The following ZNF609 variants were observed in gnomAD, a reference collection of about 807,000 sequenced individuals.
The protein encoded by ZNF609 is zinc finger protein 609.
A neutral mutation model predicts 109.5 loss-of-function variants in ZNF609; 11 were observed. That is an observed-to-expected ratio of 0.10 (90% confidence interval 0.06 to 0.17). ZNF609 has a LOEUF of 0.17. Ranked by LOEUF, ZNF609 falls within the 10% of genes least tolerant of loss-of-function variation. ZNF609 has a pLI of 1.00. For synonymous variants in ZNF609, 646 were observed against 662.0 expected (o/e 0.98, Z 0.37); for missense variants, 1,559 against 1,772.4 (o/e 0.88, Z 2.16).
chr15:64,681,373 C>G lies in ZNF609; in HGVS notation c.4227C>G (p.Pro1409=). Residue 1409 remains proline (P), a synonymous_variant, in exon 9 of 10, where the codon CCC becomes CCG. Transcript: ENST00000326648. ...QGSTPSLYPP[P]RR ...CAACTCCCTCACTCTACCCACCCCC[C>G]AGGAGGTGAGAATGGTAAGTCACTT... 1.2e-6 allele frequency: 2 copies of G among 1,613,974 alleles called. No individual in the cohort carries two copies. The highest frequency in any genetic ancestry group is 1.7e-6 in the Non-Finnish European group (2 of 1,179,882).
intron 2 of ZNF609, among the ~76,000 whole-genome samples, chr15:64,550,681 C>T (rs774309243): frequency 1.3e-5 from 2 of 151,888 alleles, no homozygotes; most frequent in African/African-American, 4.8e-5. Context: ...ACTAAAAATA[C>T]AAAAATTAGC....
intron 2 of ZNF609, among the ~76,000 whole-genome samples, chr15:64,504,476 GTAT>G (rs1280449703): frequency 2.0e-5 from 3 of 151,928 alleles, no homozygotes; most frequent in Non-Finnish European, 4.4e-5. Flanking sequence ...TATTTTCTTA[GTAT>G]TATTATTTTC....
At position 64,607,941 on chromosome 15, in the gene ZNF609, C is replaced by T. The variant is rs368703778; in HGVS notation, c.748-14886C>T. On this transcript the variant is annotated intron_variant, in intron 2 of 9. Transcript: ENST00000326648. ...TGAGACAGAGTCTCACTCTGTTGCC[C>T]GGGCTAGAGTAGGGTGGCAGGATCT... is the stretch of plus-strand genomic sequence containing the variant. Among the ~76,000 whole-genome samples, 5 of 135,902 alleles carry T rather than the reference C, an allele frequency of 3.7e-5. No individual in the cohort carries two copies. In the East Asian group the frequency reaches 6.4e-4, roughly 17 times the overall value. 89.2% of individuals were successfully genotyped at this position (135,902 alleles called of 152,430 possible). A position where few individuals can be genotyped will look rare whatever the true frequency, so the allele number is the denominator to read the frequency against.
chr15:64,613,429 T>C (rs909497213), intron 2 of ZNF609, among the ~76,000 whole-genome samples: 4 of 152,248 alleles, frequency 2.6e-5, no homozygotes, highest in African/African-American at 9.6e-5. Context: ...AAGAGCTTTG[T>C]GGGAAGGAGG....
intron 1 of ZNF609, among the ~76,000 whole-genome samples, chr15:64,497,697 G>A (rs1262732665): frequency 1.3e-5 from 2 of 151,990 alleles, no homozygotes; most frequent in South Asian, 2.1e-4. Context: ...AGGTCCAGGA[G>A]GTTGAGACCA....
At chr15:64,638,605 A>G (rs1198718211) in intron 3 of ZNF609, among the ~76,000 whole-genome samples, 2 of 152,060 alleles carry the variant, frequency 1.3e-5, no homozygotes, top group Non-Finnish European at 2.9e-5. Flanking sequence ...TTTAAAATAT[A>G]TGTTAGCTGG....
At chr15:64,489,272 G>A (rs1173657365) in intron 1 of ZNF609, among the ~76,000 whole-genome samples, 2 of 150,898 alleles carry the variant, frequency 1.3e-5, no homozygotes, top group Admixed American at 1.3e-4. Flanking sequence ...TGCAACCTCC[G>A]CCCTCCAAGT....
At chr15:64,478,155 GGTGTGTGTGTGTGTGTGTGTGTGTGT>G (rs149241970) in intron 1 of ZNF609, among the ~76,000 whole-genome samples, 1 of 138,194 alleles carries the variant, frequency 7.2e-6, no homozygotes, top group East Asian at 2.3e-4. Context: ...TTAGAATAAA[GGTGTGTGTGTGTGTGTGTGTGTGTGT>G]GTGTGTGTGT....
chr15:64,566,749 TTTACCTTGGGTGACCCTTG>T (rs1338685701), intron 2 of ZNF609, among the ~76,000 whole-genome samples: 1 of 152,184 alleles, frequency 6.6e-6, no homozygotes, highest in African/African-American at 2.4e-5. Context: ...ACTTCCCAGT[TTTACCTTGGGTGACCCTTG>T]TTACAGATCA....
At chr15:64,468,746 AAAT>A (rs1281927605) in intron 1 of ZNF609, among the ~76,000 whole-genome samples, 1 of 152,102 alleles carries the variant, frequency 6.6e-6, no homozygotes, top group Non-Finnish European at 1.5e-5. Flanking sequence ...AGAGGGGAAA[AAAT>A]CATAGAATTG....
intron 2 of ZNF609, among the ~76,000 whole-genome samples, chr15:64,530,480 A>G (rs970093401): frequency 2.6e-5 from 4 of 152,220 alleles, no homozygotes; most frequent in Admixed American, 6.5e-5. Flanking sequence ...AATATATTGA[A>G]CATACATTAT....
intron 2 of ZNF609, among the ~76,000 whole-genome samples, chr15:64,579,524 A>C (rs1895059663): frequency 6.6e-6 from 1 of 151,892 alleles, no homozygotes; most frequent in Non-Finnish European, 1.5e-5. Flanking sequence ...TAGCCTGGCC[A>C]ACATGGTGAA....
chr15:64,674,351 C>T lies in ZNF609; in HGVS notation c.1497C>T (p.His499=). 1.2e-6 allele frequency: 2 copies of T among 1,614,098 alleles called. No homozygotes were observed. The highest frequency in any genetic ancestry group is 8.5e-7 in the Non-Finnish European group (1 of 1,180,028). Residue 499 remains histidine, a synonymous_variant, in exon 5 of 10, where the codon CAC becomes CAT. Transcript: ENST00000326648. ...CPSPVLIDCP[H]PNCNKKYKHI... is the part of the protein sequence containing the mutation. ...CCCCCGTCCTAATTGACTGTCCCCACCCAAACTGCAACAAGAAGTACAAGC... is the reference window on the plus strand; with the variant it reads ...CCCCCGTCCTAATTGACTGTCCCCATCCAAACTGCAACAAGAAGTACAAGC...
intron 2 of ZNF609, among the ~76,000 whole-genome samples, chr15:64,535,914 T>A (rs2140375528): frequency 6.6e-6 from 1 of 152,348 alleles, no homozygotes; most frequent in African/African-American, 2.4e-5. Context: ...ATCACCTGTG[T>A]ATTCTCTTCA....
At chr15:64,480,711 A>G (rs911264499) in intron 1 of ZNF609, among the ~76,000 whole-genome samples, 12 of 152,186 alleles carry the variant, frequency 7.9e-5, no homozygotes, top group Non-Finnish European at 1.6e-4. Context: ...TTTTTTCCCT[A>G]TAACCAGGGA....
At chr15:64,679,382 T>C (rs1896849483) in intron 6 of ZNF609, among the ~76,000 whole-genome samples, 1 of 152,206 alleles carries the variant, frequency 6.6e-6, no homozygotes, top group Admixed American at 6.5e-5. Context: ...AAATGTTTTT[T>C]AACTTGTTAG....
Position 64,675,469 on chromosome 15 carries a change from A to G in ZNF609, c.2615A>G (p.Lys872Arg), listed in dbSNP as rs777907568. The stretch of plus-strand genomic sequence containing the variant: ...TCAAAGGACGCCGAACAGTTGGTTA[A>G]AGAAGGGGCTAAGAAAACTCTTTTT... ...VKSKDAEQLV[K>R]EGAKKTLFPP... is the part of the protein sequence containing the mutation. The change falls in exon 5 of 10, where the codon AAA becomes AGA. Residue 872 changes from lysine (K) to arginine (R), a missense_variant. Transcript: ENST00000326648. 3 of 1,614,172 alleles carry G rather than the reference A, an allele frequency of 1.9e-6. No homozygotes were observed. The highest frequency in any genetic ancestry group is 2.5e-6 in the Non-Finnish European group (3 of 1,180,040).
intron 2 of ZNF609, among the ~76,000 whole-genome samples, chr15:64,507,842 C>T (rs1893659503): frequency 1.3e-5 from 2 of 151,930 alleles, no homozygotes; most frequent in Non-Finnish European, 2.9e-5. Flanking sequence ...TGGGGTGGGC[C>T]TGGAACCATT....
chr15:64,661,542 A>G (rs1374491420), intron 3 of ZNF609, among the ~76,000 whole-genome samples: 1 of 152,214 alleles, frequency 6.6e-6, no homozygotes. Flanking sequence ...TTGGGATTAA[A>G]ATAAGATTTA....
Sources: gnomAD v4.1 joint callset for allele counts (sites outside exome capture counted in the v4.1 genomes callset) on GRCh38, gnomAD v4.1.1 for gene constraint, MANE v1.5 for transcripts, NCBI Gene and HGNC (gene_info 2026-07-23, HGNC 2026-07-21) for gene names.